CSTF3: variants seen among roughly 807,000 people sequenced by gnomAD.
CSTF3 encodes CF-1 77 kDa subunit.
Under a neutral mutation model 105.8 loss-of-function variants are expected in CSTF3, and 29 were observed. That is an observed-to-expected ratio of 0.27 (90% confidence interval 0.20 to 0.37). The LOEUF (loss-of-function observed/expected upper bound fraction) is 0.37, where lower values mean the gene tolerates loss of function less well. Among genes scored for constraint, CSTF3 ranks in the 10% least tolerant of loss-of-function variants. The pLI, the probability that CSTF3 is intolerant of heterozygous loss-of-function variation, is 1.00. For missense variants in CSTF3, 357 were observed against 879.3 expected (o/e 0.41, Z 7.51); for synonymous variants, 252 against 281.9 (o/e 0.89, Z 1.06).
At chr11:33,150,219 T>TAACAAAAAAAAAAAAA (rs1855841487) in intron 1 of CSTF3, among the ~76,000 whole-genome samples, 1 of 104,400 alleles carries the variant, frequency 9.6e-6, no homozygotes, top group Non-Finnish European at 1.9e-5. Flanking sequence ...TGTCTCAAAC[T>TAACAAAAAAAAAAAAA]AAAAAAAAAA....
intron 3 of CSTF3, among the ~76,000 whole-genome samples, chr11:33,130,940 G>T (rs1461398480): frequency 6.6e-6 from 1 of 151,980 alleles, no homozygotes; most frequent in Non-Finnish European, 1.5e-5. Context: ...GAGGTGGGAG[G>T]ATCACCTGAG....
intron 3 of CSTF3, among the ~76,000 whole-genome samples, chr11:33,112,890 G>C (rs1162855812): frequency 6.6e-6 from 1 of 151,928 alleles, no homozygotes; most frequent in African/African-American, 2.4e-5. Context: ...TCCATTTAAA[G>C]ACCATTATAG....
rs1855087953 is a variant in CSTF3, at chr11:33,084,976, A to G, written c.*111T>C. ...ACCATGTGATAGAGGCACCAATGAC[A>G]ATACAACTTTGTTTCCAAGAACCTT... On this transcript the variant is annotated 3_prime_UTR_variant, in exon 21 of 21. Coordinates refer to ENST00000323959, the MANE Select transcript of CSTF3 (RefSeq NM_001326.3). 8.6e-7 allele frequency: 1 copy of G among 1,163,784 alleles called. No homozygotes were observed. The highest frequency in any genetic ancestry group is 1.3e-5 in the South Asian group (1 of 77,466). The allele number at this position is 1,163,784 out of a possible 1,614,324, so 72.1% of individuals were successfully genotyped here. A position where few individuals can be genotyped will look rare whatever the true frequency, so the allele number is the denominator to read the frequency against.
At chr11:33,095,768 G>C (rs1448480607) in intron 15 of CSTF3, among the ~76,000 whole-genome samples, 3 of 151,098 alleles carry the variant, frequency 2.0e-5, no homozygotes, top group Non-Finnish European at 2.9e-5. Flanking sequence ...CCTGCAGTGA[G>C]CCGAGATTGC....
chr11:33,099,555 G>T lies in CSTF3; in HGVS notation c.936+53C>A. The T allele has an allele frequency of 2.7e-6, 3 of 1,130,354 alleles. No homozygotes were observed. Among genetic ancestry groups the T allele is most frequent in the Non-Finnish European group, 2.6e-6 (2 of 773,428 alleles). 70.0% of individuals were successfully genotyped at this position (1,130,354 alleles called of 1,614,324 possible). On this transcript the variant is annotated intron_variant, in intron 11 of 20. Coordinates refer to ENST00000323959, the MANE Select transcript of CSTF3 (RefSeq NM_001326.3). The surrounding 1 kb of genome is among the most constrained non-coding windows in gnomAD (Gnocchi z 4.1). Reference sequence around the variant, plus strand: ...CAGTTATATTTTTCAGTAAATAATTGCTATATCAAAACCACAAAAATATCA... The same window carrying T: ...CAGTTATATTTTTCAGTAAATAATTTCTATATCAAAACCACAAAAATATCA...
intron 10 of CSTF3, among the ~76,000 whole-genome samples, chr11:33,101,894 C>T (rs967775963): frequency 5.3e-5 from 8 of 151,094 alleles, no homozygotes; most frequent in African/African-American, 1.9e-4. Flanking sequence ...GAAATGGACA[C>T]CATAAAAAAG....
chr11:33,105,436 T>G (rs1318258574), intron 8 of CSTF3, 131 bp downstream of exon 8: 1 of 872,380 alleles, frequency 1.1e-6, no homozygotes. Flanking sequence ...GCAAAAACAT[T>G]ATAGTGCTTT....
rs1855089140 is a variant in CSTF3 at position 33,085,037 on chromosome 11, G to A, written c.*50C>T. The A allele has an allele frequency of 6.3e-7, 1 of 1,590,794 alleles. No homozygotes were observed. Among genetic ancestry groups the A allele is most frequent in the African/African-American group, 1.3e-5 (1 of 74,478 alleles). On this transcript the variant is annotated 3_prime_UTR_variant, in exon 21 of 21. Coordinates refer to ENST00000323959, the MANE Select transcript of CSTF3 (RefSeq NM_001326.3). Reference sequence around the variant, plus strand: ...GTTGTCTCTTTTAAACATACCACTTGAGGCAAAAGGAATCCTGGACAGGAG... The same window carrying A: ...GTTGTCTCTTTTAAACATACCACTTAAGGCAAAAGGAATCCTGGACAGGAG...
intron 3 of CSTF3, among the ~76,000 whole-genome samples, chr11:33,115,660 ATTATATTTTGG>A (rs1855423972): frequency 6.6e-6 from 1 of 152,200 alleles, no homozygotes; most frequent in African/African-American, 2.4e-5. Flanking sequence ...AACTCATGGA[ATTATATTTTGG>A]TTATATTTTG....
intron 3 of CSTF3, among the ~76,000 whole-genome samples, chr11:33,121,750 A>C (rs967135770): frequency 2.6e-5 from 4 of 152,134 alleles, no homozygotes; most frequent in African/African-American, 9.7e-5. Context: ...TGATACTTTC[A>C]CCAGCAAATG....
chr11:33,097,731 G>A (rs10742292), intron 13 of CSTF3, among the ~76,000 whole-genome samples: 151,500 of 152,324 alleles, frequency 0.99, 75,348 homozygotes, highest in Middle Eastern at 1. Flanking sequence ...TCTATTTTCC[G>A]AACAACATAT....
At chr11:33,088,898 G>A (rs866980344) in intron 17 of CSTF3, among the ~76,000 whole-genome samples, 3 of 152,236 alleles carry the variant, frequency 2.0e-5, no homozygotes, top group Admixed American at 6.5e-5. Flanking sequence ...GATTATAGGC[G>A]TGAGCCACTG....
chr11:33,140,325 T>C (rs995314876), intron 3 of CSTF3, among the ~76,000 whole-genome samples: 10 of 152,002 alleles, frequency 6.6e-5, no homozygotes, highest in Non-Finnish European at 1.2e-4. Flanking sequence ...TCCCAGAGGA[T>C]AGGTGATGAA....
chr11:33,102,477 T>C, intron 9 of CSTF3, 138 bp from the exon 10 acceptor site: 1 of 727,932 alleles, frequency 1.4e-6, no homozygotes, highest in Non-Finnish European at 2.2e-6. Context: ...ATCTAAAAAC[T>C]ATTTAAGAGT....
chr11:33,099,507 A>T lies in CSTF3; in HGVS notation c.936+101T>A. The T allele has an allele frequency of 2.5e-6, 2 of 808,232 alleles. No individual in the cohort carries two copies. The highest frequency in any genetic ancestry group is 3.3e-5 in the South Asian group (2 of 59,842). The allele number at this position is 808,232 out of a possible 1,614,324, so 50.1% of individuals were successfully genotyped here. On this transcript the variant is annotated intron_variant, in intron 11 of 20. Coordinates refer to ENST00000323959, the MANE Select transcript of CSTF3 (RefSeq NM_001326.3). This position sits in a 1 kb window ranked among gnomAD's most constrained non-coding sequence, Gnocchi z 4.1. The stretch of plus-strand genomic sequence containing the variant: ...ATGAACGTAAACTTAAATTTTCAAT[A>T]CTTATGCTTTATTACCAAAATTCAG...
chr11:33,139,302 T>C (rs537131525), intron 3 of CSTF3, among the ~76,000 whole-genome samples: 44 of 151,966 alleles, frequency 2.9e-4, no homozygotes, highest in African/African-American at 1.0e-3. Flanking sequence ...TATAAAGAAA[T>C]GAACATTACA....
At chr11:33,131,126 A>C (rs1240713499) in intron 3 of CSTF3, among the ~76,000 whole-genome samples, 3 of 152,216 alleles carry the variant, frequency 2.0e-5, no homozygotes, top group African/African-American at 7.2e-5. Context: ...GTACTCTCTG[A>C]AATTAAGTCC....
chr11:33,155,216 C>T (rs973162540), intron 1 of CSTF3, among the ~76,000 whole-genome samples: 3 of 151,434 alleles, frequency 2.0e-5, no homozygotes, highest in South Asian at 2.1e-4. Context: ...ATTAGCTGGG[C>T]GTGAGGGCGT....
chr11:33,127,585 A>G (rs1409316514), intron 3 of CSTF3, among the ~76,000 whole-genome samples: 1 of 152,182 alleles, frequency 6.6e-6, no homozygotes, highest in Non-Finnish European at 1.5e-5. Context: ...ATAAAATTAG[A>G]AAAGAAAATT....
Sources: gnomAD v4.1 joint callset for allele counts (sites outside exome capture counted in the v4.1 genomes callset) on GRCh38, gnomAD v4.1.1 for gene constraint, Gnocchi (gnomAD v3.1) non-coding constraint, MANE v1.5 for transcripts, NCBI Gene and HGNC (gene_info 2026-07-23, HGNC 2026-07-21) for gene names.